The following NEO1 variants were observed in gnomAD, a reference collection of about 807,000 sequenced individuals.
The protein encoded by NEO1 is neogenin.
A neutral mutation model predicts 159.7 loss-of-function variants in NEO1; 63 were observed. The observed-to-expected ratio is 0.39, with a 90% CI of 0.32 to 0.49. The LOEUF (loss-of-function observed/expected upper bound fraction) is 0.49, where lower values mean the gene tolerates loss of function less well. Among genes scored for constraint, NEO1 ranks in the 20% least tolerant of loss-of-function variants. The pLI, the probability that NEO1 is intolerant of heterozygous loss-of-function variation, is 0.85. For synonymous variants in NEO1, 633 were observed against 662.0 expected (o/e 0.96, Z 0.67); for missense variants, 1,615 against 1,831.0 (o/e 0.88, Z 2.15).
intron 7 of NEO1, among the ~76,000 whole-genome samples, chr15:73,230,335 T>C (rs774171435): frequency 2.4e-4 from 37 of 152,294 alleles, no homozygotes; most frequent in Non-Finnish European, 4.0e-4. Context: ...CAATTTTTTT[T>C]CCCAAAATAT....
At chr15:73,157,707 C>T (rs1334721214) in intron 5 of NEO1, among the ~76,000 whole-genome samples, 6 of 152,174 alleles carry the variant, frequency 3.9e-5, no homozygotes, top group African/African-American at 1.4e-4. Context: ...GTGTGATTGT[C>T]TACACACAAT....
chr15:73,156,928 G>A (rs918253675), intron 5 of NEO1, among the ~76,000 whole-genome samples: 4 of 152,162 alleles, frequency 2.6e-5, no homozygotes, highest in African/African-American at 7.2e-5. Context: ...TTGGGTGAGG[G>A]ATGACTGTTG....
chr15:73,237,005 A>G (rs2039215243), intron 8 of NEO1, among the ~76,000 whole-genome samples: 1 of 152,198 alleles, frequency 6.6e-6, no homozygotes, highest in Non-Finnish European at 1.5e-5. Flanking sequence ...GGGAAGATCT[A>G]TAATGTCCAG....
intron 13 of NEO1, 116 bp downstream of exon 13, chr15:73,254,945 C>A: frequency 8.4e-7 from 1 of 1,192,868 alleles, no homozygotes; most frequent in South Asian, 1.8e-5. Context: ...TAAAATGGTT[C>A]AGAAAATTTT....
chr15:73,172,206 T>A (rs1400581865), intron 5 of NEO1, among the ~76,000 whole-genome samples: 1 of 152,186 alleles, frequency 6.6e-6, no homozygotes, highest in Non-Finnish European at 1.5e-5. Context: ...AAAAGTTTTT[T>A]AAAAGAATAT....
intron 1 of NEO1, among the ~76,000 whole-genome samples, chr15:73,086,957 G>C (rs2069401969): frequency 6.6e-6 from 1 of 152,006 alleles, no homozygotes; most frequent in South Asian, 2.1e-4. Context: ...CGCCTAGCCA[G>C]AAACAATTTT....
chr15:73,139,741 G>T (rs189918087), intron 5 of NEO1, among the ~76,000 whole-genome samples: 50 of 152,326 alleles, frequency 3.3e-4, no homozygotes, highest in African/African-American at 1.1e-3. Flanking sequence ...AACTTTATGA[G>T]ATTTCAAAAT....
intron 7 of NEO1, among the ~76,000 whole-genome samples, chr15:73,225,615 A>C (rs1049476909): frequency 2.0e-5 from 3 of 152,080 alleles, no homozygotes; most frequent in Non-Finnish European, 1.5e-5. Flanking sequence ...CTCCCACGCA[A>C]ACCAAAGGGC....
intron 1 of NEO1, among the ~76,000 whole-genome samples, chr15:73,055,992 CT>C (rs1567091791): frequency 2.0e-5 from 3 of 152,218 alleles, no homozygotes; most frequent in African/African-American, 7.2e-5. Context: ...TTTGTCTGTA[CT>C]GTTACCCTCT....
intron 7 of NEO1, among the ~76,000 whole-genome samples, chr15:73,231,653 C>T (rs1257626757): frequency 2.6e-5 from 4 of 152,182 alleles, no homozygotes; most frequent in East Asian, 1.9e-4. Context: ...GCCTGAGAGG[C>T]GGAGGCTGCA....
chr15:73,092,140 C>G (rs77918095), intron 1 of NEO1, among the ~76,000 whole-genome samples: 1,751 of 152,228 alleles, frequency 0.012, 44 homozygotes, highest in African/African-American at 0.04. Flanking sequence ...AGGGTTCATA[C>G]AGAGAAGTCA....
At chr15:73,185,644 G>A (rs557117391) in intron 7 of NEO1, among the ~76,000 whole-genome samples, 1 of 152,190 alleles carries the variant, frequency 6.6e-6, no homozygotes, top group African/African-American at 2.4e-5. Context: ...ACCCAGATGA[G>A]TTGAAAATTT....
chr15:73,073,737 A>G (rs182492319), intron 1 of NEO1, among the ~76,000 whole-genome samples: 1 of 152,286 alleles, frequency 6.6e-6, no homozygotes, highest in East Asian at 1.9e-4. Context: ...AATGGTTTTC[A>G]GGAGTGTTGA....
intron 1 of NEO1, among the ~76,000 whole-genome samples, chr15:73,093,065 G>A (rs529498545): frequency 6.6e-6 from 1 of 152,246 alleles, no homozygotes; most frequent in South Asian, 2.1e-4. Flanking sequence ...ATAGTTTTAA[G>A]GAGTACTGGT....
chr15:73,095,646 C>A (rs115114269), intron 1 of NEO1, among the ~76,000 whole-genome samples: 1 of 148,136 alleles, frequency 6.8e-6, no homozygotes, highest in Non-Finnish European at 1.5e-5. Flanking sequence ...ATAGCATTCA[C>A]GAAAGATGAC....
At chr15:73,072,259 A>AT (rs11285327) in intron 1 of NEO1, among the ~76,000 whole-genome samples, 122 of 150,122 alleles carry the variant, frequency 8.1e-4, no homozygotes, top group African/African-American at 1.9e-3. Context: ...CCAGCTTTTA[A>AT]TTTTTTTTTT....
At chr15:73,082,136 A>G (rs895477532) in intron 1 of NEO1, among the ~76,000 whole-genome samples, 15 of 134,678 alleles carry the variant, frequency 1.1e-4, no homozygotes, top group Non-Finnish European at 2.1e-4. Context: ...GGCCTCCCAG[A>G]GTGCTGGGAT....
intron 5 of NEO1, among the ~76,000 whole-genome samples, chr15:73,148,798 CT>C (rs573402619): frequency 6.6e-6 from 1 of 150,650 alleles, no homozygotes; most frequent in East Asian, 1.9e-4. Flanking sequence ...TTTCTTTGGT[CT>C]TTTTTGGCCA....
At chr15:73,133,513 A>G (rs984222895) in intron 4 of NEO1, among the ~76,000 whole-genome samples, 1 of 152,162 alleles carries the variant, frequency 6.6e-6, no homozygotes, top group Admixed American at 6.5e-5. Context: ...TTTTTCATGT[A>G]ACCAAACGCA....
Sources: allele counts gnomAD v4.1 joint callset (sites outside exome capture counted in the v4.1 genomes callset), GRCh38; gene constraint gnomAD v4.1.1; transcripts MANE v1.5; gene names NCBI Gene and HGNC (gene_info 2026-07-23, HGNC 2026-07-21).